TAS2R1: variants seen among roughly 807,000 people sequenced by gnomAD.
The protein encoded by TAS2R1 is taste receptor type 2 member 1.
For synonymous variants in TAS2R1, 141 were observed against 134.2 expected (o/e 1.05, Z -0.35); for missense variants, 370 against 353.4 (o/e 1.05, Z -0.38).
the TAS2R1 span, among the ~76,000 whole-genome samples, chr5:9,834,595 C>T: frequency 2.0e-5 from 3 of 152,150 alleles, no homozygotes; most frequent in Non-Finnish European, 4.4e-5. Context: ...AAAGCAACCA[C>T]AGCAAATACT....
chr5:9,671,647 A>C (rs926788166), intron 1 of TAS2R1, among the ~76,000 whole-genome samples: 3 of 152,206 alleles, frequency 2.0e-5, no homozygotes, highest in Non-Finnish European at 4.4e-5. Context: ...AGATAAAAAA[A>C]ACAAATGGAA....
the TAS2R1 span, among the ~76,000 whole-genome samples, chr5:9,787,060 A>G: frequency 1.3e-5 from 2 of 152,146 alleles, no homozygotes; most frequent in East Asian, 3.9e-4. Context: ...GTTTTGGCCC[A>G]AGTTTCTCCA....
the TAS2R1 span, among the ~76,000 whole-genome samples, chr5:9,874,254 G>A: frequency 3.3e-5 from 5 of 152,008 alleles, no homozygotes; most frequent in South Asian, 2.1e-4. Flanking sequence ...AACTGCTCTC[G>A]CTTGAGATTA....
At chr5:9,903,036 C>T in the TAS2R1 span, among the ~76,000 whole-genome samples, 1 of 151,988 alleles carries the variant, frequency 6.6e-6, no homozygotes, top group Admixed American at 6.6e-5. Context: ...GAAATAAGCA[C>T]ATCATGAATA....
chr5:9,725,954 G>A, the TAS2R1 span, among the ~76,000 whole-genome samples: 33 of 150,518 alleles, frequency 2.2e-4, no homozygotes, highest in African/African-American at 7.5e-4. Context: ...CTAGCTCAGG[G>A]ATTGTAAATA....
intron 1 of TAS2R1, among the ~76,000 whole-genome samples, chr5:9,705,831 C>T (rs766745008): frequency 3.3e-5 from 5 of 152,002 alleles, no homozygotes; most frequent in Non-Finnish European, 5.9e-5. Context: ...CATTGCACTC[C>T]AGCCTGGGAG....
At chr5:9,883,143 C>G in the TAS2R1 span, among the ~76,000 whole-genome samples, 1 of 152,216 alleles carries the variant, frequency 6.6e-6, no homozygotes, top group Non-Finnish European at 1.5e-5. Flanking sequence ...CCAAACACCA[C>G]ATGTTCTCAC....
At chr5:9,632,930 T>C (rs971210272), upstream of TAS2R1, among the ~76,000 whole-genome samples, 42 of 152,174 alleles carry the variant, frequency 2.8e-4, no homozygotes, top group African/African-American at 9.9e-4. Context: ...TAGTGGTATC[T>C]AAAATGGTGA....
upstream of TAS2R1, among the ~76,000 whole-genome samples, chr5:9,715,362 C>T (rs1176524314): frequency 1.3e-5 from 2 of 152,234 alleles, no homozygotes; most frequent in African/African-American, 2.4e-5. Flanking sequence ...AGTTTGAAAG[C>T]ACCCACCCAA....
At chr5:9,791,429 T>G in the TAS2R1 span, among the ~76,000 whole-genome samples, 1 of 152,230 alleles carries the variant, frequency 6.6e-6, no homozygotes, top group Admixed American at 6.5e-5. Flanking sequence ...CCGGGTGCAG[T>G]GGCTCATGCC....
the TAS2R1 span, among the ~76,000 whole-genome samples, chr5:9,774,739 G>A: frequency 7.7e-4 from 118 of 152,350 alleles, no homozygotes; most frequent in Admixed American, 6.8e-3. Context: ...TAATTCTCTG[G>A]ATTACCAGGC....
chr5:9,724,348 T>C, the TAS2R1 span, among the ~76,000 whole-genome samples: 7 of 150,048 alleles, frequency 4.7e-5, no homozygotes, highest in Non-Finnish European at 7.4e-5. Context: ...TTCTTTCTTT[T>C]TTTTTTTTTT....
At chr5:9,686,541 G>C (rs2126514286) in intron 1 of TAS2R1, among the ~76,000 whole-genome samples, 1 of 152,064 alleles carries the variant, frequency 6.6e-6, no homozygotes, top group South Asian at 2.1e-4. Flanking sequence ...GTTCACTTTA[G>C]CTTTATTTAC....
At chr5:9,700,296 G>C (rs1408710406) in intron 1 of TAS2R1, among the ~76,000 whole-genome samples, 1 of 152,144 alleles carries the variant, frequency 6.6e-6, no homozygotes, top group Non-Finnish European at 1.5e-5. Flanking sequence ...GAGGTTTCCA[G>C]ACTAGAATCT....
the TAS2R1 span, among the ~76,000 whole-genome samples, chr5:9,888,332 G>C: frequency 1.3e-5 from 2 of 152,168 alleles, no homozygotes; most frequent in East Asian, 3.9e-4. Context: ...CAGTCACAAA[G>C]AGTGCATCTC....
At chr5:9,640,261 A>T (rs887362860) in intron 2 of TAS2R1, among the ~76,000 whole-genome samples, 6 of 152,062 alleles carry the variant, frequency 3.9e-5, no homozygotes, top group African/African-American at 1.4e-4. Flanking sequence ...AACATTTATC[A>T]ATCAAGTTTG....
At chr5:9,749,382 C>A in the TAS2R1 span, among the ~76,000 whole-genome samples, 14 of 152,128 alleles carry the variant, frequency 9.2e-5, no homozygotes, top group African/African-American at 3.4e-4. Flanking sequence ...ATCAATAACT[C>A]CGAAAAATTG....
At chr5:9,640,782 A>G (rs1265350244) in intron 2 of TAS2R1, among the ~76,000 whole-genome samples, 1 of 152,214 alleles carries the variant, frequency 6.6e-6, no homozygotes. Flanking sequence ...GGTGTTTAAC[A>G]TAAGGTGGGT....
the TAS2R1 span, among the ~76,000 whole-genome samples, chr5:9,814,766 G>GA: frequency 9.9e-5 from 15 of 151,132 alleles, no homozygotes; most frequent in African/African-American, 2.2e-4. Flanking sequence ...GGATCTGTCA[G>GA]AAAAAAAAAG....
Sources: gnomAD v4.1 joint callset for allele counts (sites outside exome capture counted in the v4.1 genomes callset) on GRCh38, gnomAD v4.1.1 for gene constraint, MANE v1.5 for transcripts, NCBI Gene and HGNC (gene_info 2026-07-23, HGNC 2026-07-21) for gene names.